LCORL: variants seen among roughly 807,000 people sequenced by gnomAD.
LCORL encodes ligand dependent nuclear receptor corepressor like.
Under a neutral mutation model 141.8 loss-of-function variants are expected in LCORL, and 41 were observed. That is an observed-to-expected ratio of 0.29 (90% CI 0.23 to 0.38). LCORL has a LOEUF of 0.38. Among genes scored for constraint, LCORL ranks in the 10% least tolerant of loss-of-function variants. LCORL has a pLI of 1.00. For missense variants in LCORL, 1,759 were observed against 2,035.0 expected (o/e 0.86, Z 2.61); for synonymous variants, 618 against 694.1 (o/e 0.89, Z 1.72).
chr4:17,992,320 A>G (rs1434686880), intron 1 of LCORL, among the ~76,000 whole-genome samples: 1 of 152,172 alleles, frequency 6.6e-6, no homozygotes, highest in Non-Finnish European at 1.5e-5. Flanking sequence ...TCCCAAGAAC[A>G]GCATGGAGGA....
Position 17,897,213 on chromosome 4 carries a change from C to CCTTTTTTTTTTTTTTTTTTTTTTTTTTT in LCORL, c.683-11053_683-11052insAAAAAAAAAAAAAAAAAAAAAAAAAAAG, listed in dbSNP as rs1553863446. Reference sequence around the variant, plus strand: ...AGACTTCTCTTTGATATACTGATTTCTTTTTTTTTTTTTTTTTTTTTTTTT... The same window carrying CCTTTTTTTTTTTTTTTTTTTTTTTTTTT: ...AGACTTCTCTTTGATATACTGATTTCCTTTTTTTTTTTTTTTTTTTTTTTTTTTTTTTTTTTTTTTTTTTTTTTTTTTT... On this transcript the variant is annotated intron_variant, in intron 5 of 7. Coordinates refer to ENST00000635767, the Ensembl canonical transcript of LCORL. Among the ~76,000 whole-genome samples, 37 of 63,986 alleles carry CCTTTTTTTTTTTTTTTTTTTTTTTTTTT rather than the reference C, an allele frequency of 5.8e-4. 18 individuals are homozygous for CCTTTTTTTTTTTTTTTTTTTTTTTTTTT. The highest frequency in any genetic ancestry group is 1.2e-3 in the South Asian group (2 of 1,712). 42.0% of individuals were successfully genotyped at this position (63,986 alleles called of 152,430 possible). A position where few individuals can be genotyped will look rare whatever the true frequency, so the allele number is the denominator to read the frequency against.
chr4:17,849,033 C>T (rs887268236), intron 7 of LCORL, among the ~76,000 whole-genome samples: 2 of 152,240 alleles, frequency 1.3e-5, no homozygotes, highest in African/African-American at 4.8e-5. Context: ...CTGGGAAGCT[C>T]GAACTGGGTG....
At chr4:17,877,028 C>T in exon 7 of LCORL, 1 of 1,230,626 alleles carries the variant, frequency 8.1e-7, no homozygotes, top group East Asian at 3.2e-5. Context: ...TGTTTTGTGT[C>T]AATTTCCTTG....
chr4:17,928,037 C>T (rs535667786), intron 4 of LCORL, among the ~76,000 whole-genome samples: 4 of 152,244 alleles, frequency 2.6e-5, no homozygotes, highest in African/African-American at 9.6e-5. Flanking sequence ...AATCTAGTAA[C>T]ACATTAAAAA....
intron 4 of LCORL, among the ~76,000 whole-genome samples, chr4:17,910,405 C>T (rs1449321731): frequency 6.6e-6 from 1 of 152,000 alleles, no homozygotes; most frequent in Non-Finnish European, 1.5e-5. Flanking sequence ...ATACTTTTTC[C>T]TCTTAGAAAC....
At chr4:17,882,625 T>A (rs1290324153) in intron 6 of LCORL, 1 of 984,260 alleles carries the variant, frequency 1.0e-6, no homozygotes, top group East Asian at 1.1e-4. Context: ...GCAAATTTGG[T>A]TATTAGCAAA....
chr4:17,902,358 C>A (rs1261309100), intron 5 of LCORL, among the ~76,000 whole-genome samples: 1 of 152,108 alleles, frequency 6.6e-6, no homozygotes, highest in Non-Finnish European at 1.5e-5. Flanking sequence ...ACCATCTAGA[C>A]ATATGTTTTA....
chr4:17,971,261 A>T (rs1029580701), intron 2 of LCORL, among the ~76,000 whole-genome samples: 3 of 152,064 alleles, frequency 2.0e-5, no homozygotes, highest in Admixed American at 6.5e-5. Context: ...AAATATACAC[A>T]CTTTTCTCGT....
intron 1 of LCORL, among the ~76,000 whole-genome samples, chr4:17,982,446 TTTAC>T (rs1209832969): frequency 6.6e-6 from 1 of 152,050 alleles, no homozygotes; most frequent in Admixed American, 6.6e-5. Flanking sequence ...CAGCATGTTA[TTTAC>T]TTTTTAGTAA....
intron 1 of LCORL, among the ~76,000 whole-genome samples, chr4:17,998,046 C>T (rs1185514224): frequency 1.3e-5 from 2 of 152,112 alleles, no homozygotes; most frequent in East Asian, 1.9e-4. Flanking sequence ...CTACTGTATA[C>T]AGTCTGTACA....
At chr4:17,874,434 G>A in exon 7 of LCORL, 1 of 1,233,774 alleles carries the variant, frequency 8.1e-7, no homozygotes, top group Non-Finnish European at 1.0e-6. Flanking sequence ...TCTAACTAGT[G>A]AAAGAGACTG....
exon 8 of LCORL, chr4:17,842,173 G>A (rs1299037095): frequency 1.4e-5 from 9 of 644,268 alleles, no homozygotes; most frequent in Non-Finnish European, 2.2e-5. Context: ...GTACCAAGAT[G>A]GCTAGAACAA....
exon 7 of LCORL, chr4:17,877,519 G>T: frequency 1.6e-6 from 2 of 1,230,006 alleles, no homozygotes; most frequent in South Asian, 4.1e-5. Flanking sequence ...TTATCTTGAT[G>T]ATCACTCTTA....
rs781077907 is a variant in LCORL, at chr4:17,909,081, C to CA, written c.682+12dup. ...CATCAAATTATATATTAAATGCACA[C>CA]AAAAAATCTTACCTTGCTGAGTATT... is the stretch of plus-strand genomic sequence containing the variant. On this transcript the variant is annotated intron_variant, in intron 5 of 7. Coordinates refer to ENST00000635767, the Ensembl canonical transcript of LCORL. 2.3e-5 allele frequency: 36 copies of CA among 1,573,986 alleles called. No homozygotes were observed. The highest frequency in any genetic ancestry group is 1.1e-4 in the South Asian group (9 of 82,716).
chr4:17,900,138 A>G (rs772855197), intron 5 of LCORL, among the ~76,000 whole-genome samples: 1 of 152,056 alleles, frequency 6.6e-6, no homozygotes, highest in African/African-American at 2.4e-5. Context: ...GTCAAGTGAC[A>G]TTTTAGATAG....
In LCORL at chr4:17,869,252, CA is replaced by C. The variant is rs1726051523; in HGVS notation, c.5602+4135del. ...AATATATATCTTTTAAACCTGTCTTCAACCCCAGCTTAATCTAGCTAACCTT... is the reference window on the plus strand; with the variant it reads ...AATATATATCTTTTAAACCTGTCTTCACCCCAGCTTAATCTAGCTAACCTT... On this transcript the variant is annotated intron_variant, in intron 7 of 7. Transcript: ENST00000635767. 3.3e-5 allele frequency among the ~76,000 whole-genome samples: 5 copies of C among 152,180 alleles called. No homozygotes were observed. The East Asian group carries it at 7.7e-4, about 24-fold the overall frequency.
chr4:18,000,576 T>C (rs1438505006), intron 1 of LCORL, among the ~76,000 whole-genome samples: 2 of 150,250 alleles, frequency 1.3e-5, no homozygotes, highest in Non-Finnish European at 2.9e-5. Flanking sequence ...TATTAGAATA[T>C]TATAGAGCAT....
At chr4:17,852,786 T>C (rs758061181) in intron 7 of LCORL, among the ~76,000 whole-genome samples, 11 of 152,294 alleles carry the variant, frequency 7.2e-5, no homozygotes, top group Middle Eastern at 6.8e-3. Flanking sequence ...TTGGGAGTCA[T>C]AGAAATCCAA....
chr4:17,926,539 G>C (rs767228509), intron 4 of LCORL, among the ~76,000 whole-genome samples: 1 of 152,172 alleles, frequency 6.6e-6, no homozygotes, highest in Non-Finnish European at 1.5e-5. Context: ...ACGCAGCACT[G>C]GTGGCTTCCC....
Sources: gnomAD v4.1 joint callset for allele counts (sites outside exome capture counted in the v4.1 genomes callset) on GRCh38, gnomAD v4.1.1 for gene constraint, MANE v1.5 for transcripts, NCBI Gene and HGNC (gene_info 2026-07-23, HGNC 2026-07-21) for gene names.